The following RAPGEF1 variants were observed in gnomAD, a reference collection of about 807,000 sequenced individuals.
RAPGEF1 encodes the protein Rap guanine nucleotide exchange factor 1.
RAPGEF1 carries 33 observed loss-of-function variants against 143.3 expected under a neutral mutation model. That is an observed-to-expected ratio of 0.23 (90% confidence interval 0.17 to 0.31). The LOEUF is 0.31. Among genes scored for constraint, RAPGEF1 ranks in the 10% least tolerant of loss-of-function variants. The pLI, the probability that RAPGEF1 is intolerant of heterozygous loss-of-function variation, is 1.00. For missense variants in RAPGEF1, 1,199 were observed against 1,645.4 expected (o/e 0.73, Z 4.69); for synonymous variants, 629 against 676.5 (o/e 0.93, Z 1.09).
At chr9:131,712,024 C>A (rs1835542039) in intron 1 of RAPGEF1, among the ~76,000 whole-genome samples, 1 of 152,192 alleles carries the variant, frequency 6.6e-6, no homozygotes, top group South Asian at 2.1e-4. Context: ...AATTGATCTA[C>A]CAATACAGAG....
At chr9:131,593,022 C>T (rs79409391) in intron 17 of RAPGEF1, among the ~76,000 whole-genome samples, 10,814 of 152,270 alleles carry the variant, frequency 0.071, 774 homozygotes, top group African/African-American at 0.18. Context: ...GGATTACAGG[C>T]GTGAGCCACC....
At chr9:131,680,979 C>T (rs113127536) in intron 1 of RAPGEF1, among the ~76,000 whole-genome samples, 31 of 152,248 alleles carry the variant, frequency 2.0e-4, no homozygotes, top group African/African-American at 6.3e-4. Flanking sequence ...CCCGAGTACT[C>T]TCAAAGCAAT....
intron 9 of RAPGEF1, among the ~76,000 whole-genome samples, chr9:131,627,213 C>CAAAAAAAAAAAAAAAAAAAA (rs10690802): frequency 4.1e-5 from 4 of 97,402 alleles, no homozygotes; most frequent in Admixed American, 2.3e-4. Flanking sequence ...GGCTCTGTCT[C>CAAAAAAAAAAAAAAAAAAAA]AAAAAAAAAA....
intron 1 of RAPGEF1, among the ~76,000 whole-genome samples, chr9:131,727,448 T>C (rs2131315935): frequency 6.6e-6 from 1 of 152,072 alleles, no homozygotes; most frequent in East Asian, 1.9e-4. Flanking sequence ...GCCCTCCAAT[T>C]ATAGAGTGGG....
Position 131,621,803 on chromosome 9 carries a change from C to A in RAPGEF1, c.1898G>T (p.Arg633Leu). The change falls in exon 11 of 27, where the codon CGG (arginine) becomes CTG (leucine). Residue 633 changes from arginine to leucine, a missense_variant. This residue lies in a region of RAPGEF1 where 293 missense variants were observed against 356.2 expected (regional missense o/e 0.82). Transcript: ENST00000683357. This position sits in a 1 kb window ranked among gnomAD's most constrained non-coding sequence, Gnocchi z 4.5. ...APPPALPPKQ[R>L]QLASCAASSF... ...AGGGAAGGTGTCACTCACCAGCTGC[C>A]GCTGCTTGGGGGGTAGGGCGGGCGG... 1 of 1,604,354 alleles carries A rather than the reference C, an allele frequency of 6.2e-7. No homozygotes were observed. The highest frequency in any genetic ancestry group is 8.5e-7 in the Non-Finnish European group (1 of 1,175,930).
intron 12 of RAPGEF1, among the ~76,000 whole-genome samples, chr9:131,609,167 AAC>A (rs1365089154): frequency 6.6e-6 from 1 of 152,142 alleles, no homozygotes; most frequent in Non-Finnish European, 1.5e-5. Context: ...AGCCAGTCGA[AAC>A]ACAGCAGGGA....
intron 4 of RAPGEF1, among the ~76,000 whole-genome samples, chr9:131,640,483 CA>C (rs1299260227): frequency 7.9e-5 from 12 of 152,336 alleles, no homozygotes; most frequent in South Asian, 6.2e-4. Flanking sequence ...ATTCCTGTGT[CA>C]AGGGGCTAAG....
At chr9:131,648,845 C>A (rs548532051) in intron 3 of RAPGEF1, among the ~76,000 whole-genome samples, 1 of 152,156 alleles carries the variant, frequency 6.6e-6, no homozygotes, top group African/African-American at 2.4e-5. Flanking sequence ...ACATAAAACC[C>A]AAAAATAGAT....
chr9:131,640,177 A>G (rs1157115528), intron 4 of RAPGEF1, among the ~76,000 whole-genome samples: 4 of 152,258 alleles, frequency 2.6e-5, no homozygotes, highest in Non-Finnish European at 5.9e-5. Flanking sequence ...GGGTTGGACC[A>G]GAGCTGATCT....
intron 1 of RAPGEF1, among the ~76,000 whole-genome samples, chr9:131,686,966 T>C (rs1296265032): frequency 6.6e-6 from 1 of 152,238 alleles, no homozygotes; most frequent in East Asian, 1.9e-4. Flanking sequence ...AGTTGACTGC[T>C]GAGGTGTTGA....
chr9:131,609,617 C>T lies in RAPGEF1; in HGVS notation c.2062-4429G>A, dbSNP rs577072243. ...AGGACAGGCAGGGAAAAGGTGGAAT[C>T]AGTAACCAGCTCCTTTGGAAACACA... On this transcript the variant is annotated intron_variant, in intron 12 of 26. Coordinates refer to ENST00000683357, the MANE Select transcript of RAPGEF1 (RefSeq NM_001377935.1). Among the ~76,000 whole-genome samples the T allele has an allele frequency of 1.8e-4, 27 of 152,286 alleles. No individual in the cohort carries two copies. The South Asian group carries it at 5.0e-3, about 28-fold the overall frequency.
At chr9:131,664,085 C>T (rs562784162) in intron 1 of RAPGEF1, among the ~76,000 whole-genome samples, 81 of 152,284 alleles carry the variant, frequency 5.3e-4, no homozygotes, top group Admixed American at 1.2e-3. Context: ...TAATCATGCC[C>T]TTTCATGTTC....
chr9:131,631,976 T>C (rs1295699317), intron 5 of RAPGEF1, among the ~76,000 whole-genome samples: 1 of 152,166 alleles, frequency 6.6e-6, no homozygotes. Flanking sequence ...ATATTTGCAT[T>C]ATGAGAATTT....
rs956557223 is a variant in RAPGEF1, at chr9:131,730,558, G to C, written c.61+9212C>G. Among the ~76,000 whole-genome samples the C allele has an allele frequency of 2.0e-5, 3 of 151,624 alleles. No homozygotes were observed. The South Asian group carries it at 6.2e-4, about 32-fold the overall frequency. ...AAAAATACAAAAATTAGCCGGGCGT[G>C]GTGGCGGGCGCCTGTCATCCCAGCT... On this transcript the variant is annotated intron_variant, in intron 1 of 26. Transcript: ENST00000683357.
intron 1 of RAPGEF1, among the ~76,000 whole-genome samples, chr9:131,698,956 C>T (rs190016996): frequency 1.8e-4 from 28 of 152,328 alleles, no homozygotes; most frequent in Non-Finnish European, 3.2e-4. Context: ...ACTGTAAATA[C>T]TCAATGCACC....
At position 131,675,878 on chromosome 9, in the gene RAPGEF1, G is replaced by C. The variant is rs1416074282; in HGVS notation, c.62-24929C>G. ...TCACAGCATGATTGGGAAACAGCCT[G>C]AACTCGAACTGCTCAGTTTGACAAA... On this transcript the variant is annotated intron_variant, in intron 1 of 26. Transcript: ENST00000683357. The surrounding 1 kb of genome is among the most constrained non-coding windows in gnomAD (Gnocchi z 4.6). 6.6e-6 allele frequency among the ~76,000 whole-genome samples: 1 copy of C among 151,984 alleles called. No individual in the cohort carries two copies. Among genetic ancestry groups the C allele is most frequent in the African/African-American group, 2.4e-5 (1 of 41,370 alleles).
chr9:131,679,168 G>C (rs953901848), intron 1 of RAPGEF1, among the ~76,000 whole-genome samples: 13 of 150,268 alleles, frequency 8.7e-5, no homozygotes, highest in African/African-American at 2.7e-4. Context: ...ATGTGACAAG[G>C]GGGGGGCCAC....
chr9:131,634,343 A>G (rs1415860138), intron 5 of RAPGEF1, among the ~76,000 whole-genome samples: 1 of 152,212 alleles, frequency 6.6e-6, no homozygotes, highest in Non-Finnish European at 1.5e-5. Context: ...AGTTTTCAAA[A>G]GTCAAAAACG....
At chr9:131,709,765 A>AG in intron 1 of RAPGEF1, 1 of 1,604,678 alleles carries the variant, frequency 6.2e-7, no homozygotes, top group Non-Finnish European at 8.5e-7. Flanking sequence ...ACTGGCTGAA[A>AG]GGGGATATCT....
Sources: allele counts gnomAD v4.1 joint callset (sites outside exome capture counted in the v4.1 genomes callset), GRCh38; gene constraint gnomAD v4.1.1; regional missense constraint gnomAD v4.1.1; non-coding constraint Gnocchi (gnomAD v3.1); transcripts MANE v1.5; gene names NCBI Gene and HGNC (gene_info 2026-07-23, HGNC 2026-07-21).